The following TRIM51 variants were observed in gnomAD, a reference collection of about 807,000 sequenced individuals.
TRIM51 encodes tripartite motif-containing 51.
A neutral mutation model predicts 32.7 loss-of-function variants in TRIM51; 23 were observed. The ratio of observed to expected loss-of-function variants is 0.70; its 90% confidence interval spans 0.51 to 1.00. TRIM51 has a LOEUF of 1.00. TRIM51 is among the 50% of genes least tolerant of loss of function. TRIM51 has a pLI of 0.00. For missense variants in TRIM51, 592 were observed against 539.2 expected, an observed-to-expected ratio of 1.10 and a Z score of -0.97; for synonymous variants, 177 against 181.9, an observed-to-expected ratio of 0.97 and a Z score of 0.22.
At chr11:55,886,573 C>G (rs1209088132) in intron 3 of TRIM51, among the ~76,000 whole-genome samples, 1 of 152,144 alleles carries the variant, frequency 6.6e-6, no homozygotes, top group African/African-American at 2.4e-5. Flanking sequence ...GGTGACCCTT[C>G]TAAGGCTGAG....
chr11:55,891,447 T>A lies in TRIM51; in HGVS notation c.1174T>A (p.Phe392Ile). The change falls in exon 7 of 7, where the codon TTT becomes ATT. Residue 392 changes from phenylalanine to isoleucine, a missense_variant. Transcript: ENST00000449290. Reference protein sequence around the residue: ...CVKEDTHCSLFTTSPLVVQYV... With the variant: ...CVKEDTHCSLITTSPLVVQYV... ...TAAGGAGGACACTCACTGCAGTCTCTTTACCACCTCCCCACTTGTGGTGCA... is the reference window on the plus strand; with the variant it reads ...TAAGGAGGACACTCACTGCAGTCTCATTACCACCTCCCCACTTGTGGTGCA... 1 of 1,613,130 alleles carries A rather than the reference T, an allele frequency of 6.2e-7. No homozygotes were observed. The highest frequency in any genetic ancestry group is 8.5e-7 in the Non-Finnish European group (1 of 1,179,750).
At position 55,889,950 on chromosome 11, in the gene TRIM51, C is replaced by G. The variant is rs760304022; in HGVS notation, c.770C>G (p.Ser257Cys). ...AFGDILHRYE[S>C]LLLQVSEPVN... ...TATCTTTCCCCTTGCAGGTATGAGT[C>G]TCTGCTGCTGCAAGTGTCTGAGCCT... Residue 257 changes from serine to cysteine, a missense_variant, in exon 6 of 7, where the codon TCT becomes TGT. Physicochemically the swap from Ser to Cys is moderately radical, Grantham distance 112. Coordinates refer to ENST00000449290, the MANE Select transcript of TRIM51 (RefSeq NM_032681.4). 1.2e-6 allele frequency: 2 copies of G among 1,612,772 alleles called. No homozygotes were observed. The highest frequency in any genetic ancestry group is 2.2e-5 in the South Asian group (2 of 91,032).
rs756226051 is a variant in TRIM51 at position 55,885,773 on chromosome 11, C to T, written c.345C>T (p.Cys115=). The change falls in exon 2 of 7, where the codon TGC becomes TGT. Residue 115 remains cysteine (C), a synonymous_variant. Coordinates refer to ENST00000449290, the MANE Select transcript of TRIM51 (RefSeq NM_032681.4). ...ACAAGAGCCTGCTCTGTTTGCCGTG[C>T]TCCAACTCTCAGGAGCACCGGAATC... The part of the protein sequence containing the change: ...EVDKSLLCLP[C]SNSQEHRNHI... 6.2e-6 allele frequency: 10 copies of T among 1,611,764 alleles called. No homozygotes were observed. In the African/African-American group the frequency reaches 1.3e-4, roughly 22 times the overall value.
At chr11:55,889,855 C>G (rs66501224) in intron 5 of TRIM51, 87 bp from the exon 6 acceptor site, 76,465 of 923,266 alleles carry the variant, frequency 0.083, 3,324 homozygotes, top group African/African-American at 0.12. Context: ...TAAAGGGATT[C>G]TCATGAAATG....
Position 55,886,134 on chromosome 11 carries a change from A to G in TRIM51, c.423A>G (p.Leu141=). Residue 141 remains leucine (L), a synonymous_variant, in exon 3 of 7, where the codon CTA becomes CTG. Transcript: ENST00000449290. The part of the protein sequence containing the change: ...WAAEERREEL[L]KKMQSLWEKA... ...TGGCTGTTTTGCAGGAGGAGCTCCT[A>G]AAAAAAATGCAGTCTTTATGGGAAA... The G allele has an allele frequency of 1.2e-6, 2 of 1,605,530 alleles. No homozygotes were observed. The highest frequency in any genetic ancestry group is 1.7e-4 in the Middle Eastern group (1 of 6,010).
At chr11:55,889,087 C>T in intron 5 of TRIM51, 86 bp downstream of exon 5, 1 of 1,203,968 alleles carries the variant, frequency 8.3e-7, no homozygotes, top group Non-Finnish European at 1.2e-6. Context: ...ATAATTGATT[C>T]AGATAGTGAT....
Position 55,885,551 on chromosome 11 carries a change from C to T in TRIM51, c.123C>T (p.Leu41=). The T allele has an allele frequency of 1.9e-6, 3 of 1,612,028 alleles. No individual in the cohort carries two copies. The highest frequency in any genetic ancestry group is 2.5e-6 in the Non-Finnish European group (3 of 1,179,766). The change falls in exon 2 of 7, where the codon CTC becomes CTT. Residue 41 remains leucine (L), a synonymous_variant. Transcript: ENST00000449290. ...GHSFCRPCLY[L]NWQDTAVLAQ... The stretch of plus-strand genomic sequence containing the variant: ...GCTTTTGCCGGCCCTGTTTGTACCT[C>T]AACTGGCAAGACACGGCAGTTCTTG...
At chr11:55,884,348 T>C (rs1311545622) in intron 1 of TRIM51, among the ~76,000 whole-genome samples, 4 of 148,286 alleles carry the variant, frequency 2.7e-5, no homozygotes, top group Non-Finnish European at 6.0e-5. Context: ...GTCCCTCAGA[T>C]CATATATCTG....
chr11:55,889,750 A>G (rs937497385), intron 5 of TRIM51, among the ~76,000 whole-genome samples, 192 bp from the exon 6 acceptor site: 1 of 152,230 alleles, frequency 6.6e-6, no homozygotes, highest in African/African-American at 2.4e-5. Flanking sequence ...TCTCAGTCAG[A>G]TAGACTTTTC....
rs1292767749 is a variant in TRIM51 at position 55,889,924 on chromosome 11, C to T, written c.762-18C>T. The T allele has an allele frequency of 1.2e-6, 2 of 1,600,034 alleles. No homozygotes were observed. On this transcript the variant is annotated intron_variant, in intron 5 of 6. Transcript: ENST00000449290. ...TTTTTTGGCTGTAGATGTGATAACC[C>T]TATCTTTCCCCTTGCAGGTATGAGT...
chr11:55,884,182 T>TAGATATATATATATATATATAC (rs1458218535), intron 1 of TRIM51, among the ~76,000 whole-genome samples: 1 of 110,286 alleles, frequency 9.1e-6, no homozygotes, highest in African/African-American at 3.6e-5. Context: ...TATATATATA[T>TAGATATATATATATATATATAC]ACACATACCA....
rs1212329815 is a variant in TRIM51, at chr11:55,890,372, C to G, written c.859+333C>G. Among the ~76,000 whole-genome samples, 11 of 152,128 alleles carry G rather than the reference C, an allele frequency of 7.2e-5. No homozygotes were observed. The East Asian group carries it at 1.9e-3, about 27-fold the overall frequency. On this transcript the variant is annotated intron_variant, in intron 6 of 6. Transcript: ENST00000449290. ...AAGGTTACATAAAAATTTTACATTT[C>G]TTTACTGTATTTCATTTGAATTGTT...
intron 5 of TRIM51, among the ~76,000 whole-genome samples, chr11:55,889,485 G>C (rs1854620817): frequency 6.6e-6 from 1 of 152,128 alleles, no homozygotes; most frequent in Non-Finnish European, 1.5e-5. Context: ...CGGAATGTTT[G>C]AACCGTGTAG....
At chr11:55,886,462 C>T (rs979404908) in intron 3 of TRIM51, among the ~76,000 whole-genome samples, 36 of 152,132 alleles carry the variant, frequency 2.4e-4, no homozygotes, top group African/African-American at 7.5e-4. Context: ...TATAGCAATA[C>T]CCCAGCAAAT....
At chr11:55,885,065 T>C (rs2134533162) in intron 1 of TRIM51, among the ~76,000 whole-genome samples, 1 of 152,284 alleles carries the variant, frequency 6.6e-6, no homozygotes, top group South Asian at 2.1e-4. Flanking sequence ...TCTCCCATAG[T>C]CATTCAGTTG....
chr11:55,885,910 G>C, intron 2 of TRIM51, 71 bp downstream of exon 2: 1 of 1,605,282 alleles, frequency 6.2e-7, no homozygotes, highest in Non-Finnish European at 8.5e-7. Flanking sequence ...TTTCCTTCGA[G>C]ATTGGATGAT....
intron 1 of TRIM51, among the ~76,000 whole-genome samples, chr11:55,885,166 T>G (rs1854559268): frequency 6.6e-6 from 1 of 152,034 alleles, no homozygotes; most frequent in Admixed American, 6.6e-5. Context: ...AGGGAGTAGG[T>G]TTTTGAACAG....
chr11:55,891,184 G>C lies in TRIM51; in HGVS notation c.911G>C (p.Gly304Ala), dbSNP rs766175323. 1.2e-6 allele frequency: 2 copies of C among 1,602,448 alleles called. No homozygotes were observed. Among genetic ancestry groups the C allele is most frequent in the South Asian group, 2.2e-5 (2 of 91,066 alleles). ...GCCAATAGTCATATCTTCCTGTGTG[G>C]AGATTTGAGAAGCATGAATGTTGGA... The part of the protein sequence containing the change: ...ERANSHIFLC[G>A]DLRSMNVGCD... Residue 304 changes from glycine (G) to alanine (A), a missense_variant, in exon 7 of 7, where the codon GGA becomes GCA. Physicochemically the swap from Gly to Ala is moderately conservative, Grantham distance 60 (BLOSUM62 0). Coordinates refer to ENST00000449290, the MANE Select transcript of TRIM51 (RefSeq NM_032681.4).
At chr11:55,890,157 T>A (rs1014846095) in intron 6 of TRIM51, 118 bp downstream of exon 6, 28 of 670,994 alleles carry the variant, frequency 4.2e-5, no homozygotes, top group Non-Finnish European at 7.0e-5. Context: ...GTGAACCATA[T>A]GACTATGCAA....
Sources: allele counts gnomAD v4.1 joint callset (sites outside exome capture counted in the v4.1 genomes callset), GRCh38; gene constraint gnomAD v4.1.1; transcripts MANE v1.5; gene names NCBI Gene and HGNC (gene_info 2026-07-23, HGNC 2026-07-21).